Variants in PPP2R2D observed in about 807,000 individuals in gnomAD.
PPP2R2D encodes the protein serine/threonine-protein phosphatase 2A 55 kDa regulatory subunit B delta isoform.
In PPP2R2D, 9 loss-of-function variants were observed where a neutral mutation model predicts 31.1. The observed-to-expected ratio is 0.29, with a 90% confidence interval of 0.17 to 0.51. The LOEUF is 0.51. PPP2R2D is among the 20% of genes least tolerant of loss of function. PPP2R2D has a pLI of 0.98. For missense variants in PPP2R2D, 391 were observed against 465.6 expected, an observed-to-expected ratio of 0.84 and a Z score of 1.48; for synonymous variants, 179 against 172.6, an observed-to-expected ratio of 1.04 and a Z score of -0.29.
rs1564829217 is a variant in PPP2R2D at position 131,957,552 on chromosome 10, T to C, written c.*1589T>C. 8 of 181,332 alleles carry C rather than the reference T, an allele frequency of 4.4e-5. No individual in the cohort carries two copies. The South Asian group carries it at 6.7e-4, about 15-fold the overall frequency. 11.2% of individuals were successfully genotyped at this position (181,332 alleles called of 1,614,324 possible). Reference sequence around the variant, plus strand: ...GGTGTGTGCTGATCCCCCGTGCCCCTGTGGAGATGAAGGTGCGTGCTGATC... The same window carrying C: ...GGTGTGTGCTGATCCCCCGTGCCCCCGTGGAGATGAAGGTGCGTGCTGATC... On this transcript the variant is annotated 3_prime_UTR_variant, in exon 9 of 9. Transcript: ENST00000455566.
intron 2 of PPP2R2D, among the ~76,000 whole-genome samples, chr10:131,910,080 G>C (rs2035658942): frequency 6.6e-6 from 1 of 152,228 alleles, no homozygotes; most frequent in Admixed American, 6.5e-5. Flanking sequence ...GTGGGCAGAA[G>C]AGGGGTCATC....
Position 131,901,165 on chromosome 10 carries a change from C to G in PPP2R2D, c.7+10C>G, listed in dbSNP as rs1285135804. 3 of 308,318 alleles carry G rather than the reference C, an allele frequency of 9.7e-6. No individual in the cohort carries two copies. The Admixed American group carries it at 1.5e-4, about 16-fold the overall frequency. 19.1% of individuals were successfully genotyped at this position (308,318 alleles called of 1,614,324 possible). On this transcript the variant is annotated intron_variant, in intron 1 of 8. Transcript: ENST00000455566. ...CCGGCTGCCATGGCAGGTGAGGGGT[C>G]TGCGCGGGCCGGCGGGGACCACGGG...
At chr10:131,953,574 C>T (rs1022578086) in intron 8 of PPP2R2D, among the ~76,000 whole-genome samples, 1 of 131,380 alleles carries the variant, frequency 7.6e-6, no homozygotes, top group Non-Finnish European at 1.6e-5. Flanking sequence ...GTGGGGGTCA[C>T]TGTCTTAGCA....
intron 5 of PPP2R2D, among the ~76,000 whole-genome samples, chr10:131,943,108 G>A (rs2036469621): frequency 6.6e-6 from 1 of 152,130 alleles, no homozygotes; most frequent in Admixed American, 6.5e-5. Context: ...TTTTCTTCCA[G>A]CTGGATGTTA....
At chr10:131,901,183 A>AC in intron 1 of PPP2R2D, 28 bp downstream of exon 1, 1 of 311,022 alleles carries the variant, frequency 3.2e-6, no homozygotes, top group East Asian at 5.1e-5. Flanking sequence ...GCCGGCGGGG[A>AC]CCACGGGGGC....
intron 2 of PPP2R2D, among the ~76,000 whole-genome samples, chr10:131,930,894 T>G (rs1273652931): frequency 2.0e-5 from 3 of 152,230 alleles, no homozygotes; most frequent in African/African-American, 7.2e-5. Flanking sequence ...ATCCATGTCT[T>G]TCTTTCCACT....
chr10:131,961,274 C>T (rs931078210), downstream of PPP2R2D, among the ~76,000 whole-genome samples: 2 of 152,182 alleles, frequency 1.3e-5, no homozygotes, highest in South Asian at 2.1e-4. Context: ...CAGCAGTCCC[C>T]GACAGTGGGC....
At chr10:131,935,762 A>G (rs1280726768) in intron 3 of PPP2R2D, among the ~76,000 whole-genome samples, 1 of 152,190 alleles carries the variant, frequency 6.6e-6, no homozygotes, top group African/African-American at 2.4e-5. Flanking sequence ...ACACAATGCT[A>G]CTTAAGAACC....
At chr10:131,971,308 G>A in the PPP2R2D span, 11 of 325,294 alleles carry the variant, frequency 3.4e-5, no homozygotes, top group Admixed American at 5.1e-4. Context: ...TGAGGGCAAA[G>A]ATGGTGACGG....
At chr10:131,916,787 A>ATG (rs2035796995) in intron 2 of PPP2R2D, among the ~76,000 whole-genome samples, 2 of 80,508 alleles carry the variant, frequency 2.5e-5, no homozygotes, top group Admixed American at 1.3e-4. Context: ...GACCTCACGC[A>ATG]GGTGGAATGA....
At chr10:131,943,578 G>A (rs1211489615) in intron 5 of PPP2R2D, among the ~76,000 whole-genome samples, 1 of 152,146 alleles carries the variant, frequency 6.6e-6, no homozygotes, top group Non-Finnish European at 1.5e-5. Flanking sequence ...GCATCTAGCT[G>A]CAAGGAGAGG....
chr10:131,969,370 T>G, the PPP2R2D span: 1 of 152,108 alleles, frequency 6.6e-6, no homozygotes, highest in African/African-American at 2.4e-5. Flanking sequence ...CCCGAGGCCT[T>G]GCCCCCAGAG....
chr10:131,903,115 C>T (rs2035528141), intron 2 of PPP2R2D, among the ~76,000 whole-genome samples: 1 of 151,812 alleles, frequency 6.6e-6, no homozygotes. Context: ...TTAAGTATAA[C>T]TAAGGTAGTA....
chr10:131,921,914 T>C (rs1554894313), intron 2 of PPP2R2D, among the ~76,000 whole-genome samples: 1 of 152,214 alleles, frequency 6.6e-6, no homozygotes, highest in Non-Finnish European at 1.5e-5. Flanking sequence ...TTCAGTTTGC[T>C]TAATATGTTT....
intron 5 of PPP2R2D, among the ~76,000 whole-genome samples, chr10:131,943,587 G>A (rs2036480126): frequency 6.6e-6 from 1 of 152,098 alleles, no homozygotes; most frequent in African/African-American, 2.4e-5. Flanking sequence ...TGCAAGGAGA[G>A]GACAAAGGGA....
At chr10:131,969,493 G>A in the PPP2R2D span, 1 of 152,194 alleles carries the variant, frequency 6.6e-6, no homozygotes, top group African/African-American at 2.4e-5. Flanking sequence ...GACGGGTTAT[G>A]GGGGGGACGT....
At chr10:131,962,268 T>C (rs1247502232), downstream of PPP2R2D, among the ~76,000 whole-genome samples, 4 of 152,110 alleles carry the variant, frequency 2.6e-5, no homozygotes, top group African/African-American at 9.7e-5. Context: ...CGTGAAGTCA[T>C]CATCACGCAC....
chr10:131,908,417 G>C (rs2119724711), intron 2 of PPP2R2D, among the ~76,000 whole-genome samples: 1 of 152,280 alleles, frequency 6.6e-6, no homozygotes, highest in Non-Finnish European at 1.5e-5. Flanking sequence ...TTAGACTCCA[G>C]ATTTCCCTTT....
rs77742295 is a variant in PPP2R2D, at chr10:131,945,215, C to T, written c.656-80C>T. 1.5e-3 allele frequency: 2,252 copies of T among 1,472,470 alleles called. 42 individuals are homozygous for T. In the African/African-American group the frequency reaches 0.028, roughly 18 times the overall value. The allele number at this position is 1,472,470 out of a possible 1,614,324, so 91.2% of individuals were successfully genotyped here. ...AAACCTCACTGCGTGGATTATTTGG[C>T]GTCCTATTTCGCGTGACTGAATGTA... On this transcript the variant is annotated intron_variant, in intron 6 of 8. Transcript: ENST00000455566. This position sits in a 1 kb window ranked among gnomAD's most constrained non-coding sequence, Gnocchi z 4.8.
Sources: allele counts gnomAD v4.1 joint callset (sites outside exome capture counted in the v4.1 genomes callset), GRCh38; gene constraint gnomAD v4.1.1; non-coding constraint Gnocchi (gnomAD v3.1); transcripts MANE v1.5; gene names NCBI Gene and HGNC (gene_info 2026-07-23, HGNC 2026-07-21).